The following L3MBTL4 variants were observed in gnomAD, a reference collection of about 807,000 sequenced individuals.
L3MBTL4 encodes the protein L3MBTL histone methyl-lysine binding protein 4.
A neutral mutation model predicts 84.5 loss-of-function variants in L3MBTL4; 70 were observed. The observed-to-expected ratio is 0.83, with a 90% CI of 0.68 to 1.01. The LOEUF (loss-of-function observed/expected upper bound fraction) is 1.01, where lower values mean the gene tolerates loss of function less well. L3MBTL4 is among the 50% of genes least tolerant of loss of function. L3MBTL4 has a pLI of 0.00. For missense variants in L3MBTL4, 715 were observed against 754.8 expected (o/e 0.95, Z 0.62); for synonymous variants, 274 against 259.8 (o/e 1.05, Z -0.52).
intron 5 of L3MBTL4, among the ~76,000 whole-genome samples, chr18:6,249,899 T>G (rs1389691460): frequency 6.6e-6 from 1 of 152,152 alleles, no homozygotes; most frequent in Non-Finnish European, 1.5e-5. Flanking sequence ...TGAATAAACT[T>G]TCTCTAGGTC....
chr18:6,297,411 A>C (rs1453362064), intron 4 of L3MBTL4, among the ~76,000 whole-genome samples: 2 of 152,228 alleles, frequency 1.3e-5, no homozygotes, highest in African/African-American at 4.8e-5. Flanking sequence ...AGTGATGTCA[A>C]TGTTACTTAG....
At chr18:6,304,958 G>A (rs1349486203) in intron 3 of L3MBTL4, among the ~76,000 whole-genome samples, 4 of 152,038 alleles carry the variant, frequency 2.6e-5, no homozygotes, top group Non-Finnish European at 5.9e-5. Context: ...TCACACTTCT[G>A]TATTTGCTAC....
chr18:6,038,406 A>C (rs912081725), intron 16 of L3MBTL4, among the ~76,000 whole-genome samples: 10 of 151,940 alleles, frequency 6.6e-5, no homozygotes, highest in Non-Finnish European at 1.5e-4. Flanking sequence ...GGCGTCCGCC[A>C]CCGCGACCGG....
chr18:6,043,148 A>G (rs745366038), intron 16 of L3MBTL4, among the ~76,000 whole-genome samples: 2 of 152,022 alleles, frequency 1.3e-5, no homozygotes, highest in Non-Finnish European at 2.9e-5. Context: ...TTTCTATACC[A>G]CTGCACAAGT....
chr18:6,286,503 TAATA>T (rs2049597530), intron 4 of L3MBTL4, among the ~76,000 whole-genome samples: 1 of 151,332 alleles, frequency 6.6e-6, no homozygotes, highest in African/African-American at 2.4e-5. Context: ...ATTTAAAAAA[TAATA>T]AAAAAATAAA....
intron 6 of L3MBTL4, 46 bp downstream of exon 6, chr18:6,244,434 ATCTT>A (rs1483336919): frequency 2.3e-5 from 26 of 1,142,184 alleles, no homozygotes; most frequent in African/African-American, 3.1e-5. Flanking sequence ...CTAGAAAATT[ATCTT>A]TCTGTCACTA....
At chr18:5,988,872 A>G (rs1450871448) in intron 16 of L3MBTL4, among the ~76,000 whole-genome samples, 1 of 152,198 alleles carries the variant, frequency 6.6e-6, no homozygotes, top group Non-Finnish European at 1.5e-5. Context: ...GGGTTGAGAC[A>G]CCATAGCTTA....
intron 6 of L3MBTL4, among the ~76,000 whole-genome samples, chr18:6,243,712 G>T (rs1245514280): frequency 6.6e-6 from 1 of 152,136 alleles, no homozygotes; most frequent in Non-Finnish European, 1.5e-5. Context: ...TAATTAACTG[G>T]TTTATTTATT....
chr18:6,234,292 C>T (rs2047122844), intron 10 of L3MBTL4, among the ~76,000 whole-genome samples: 1 of 152,136 alleles, frequency 6.6e-6, no homozygotes, highest in African/African-American at 2.4e-5. Flanking sequence ...AAAGCAATGG[C>T]AACAAAAGCC....
At chr18:6,387,297 T>C (rs924345930) in intron 1 of L3MBTL4, among the ~76,000 whole-genome samples, 2 of 152,214 alleles carry the variant, frequency 1.3e-5, no homozygotes, top group African/African-American at 4.8e-5. Flanking sequence ...TGGTTAGATT[T>C]GTGTTTCTCA....
At chr18:6,224,702 G>T (rs1599225623) in intron 10 of L3MBTL4, among the ~76,000 whole-genome samples, 1 of 152,200 alleles carries the variant, frequency 6.6e-6, no homozygotes, top group East Asian at 1.9e-4. Context: ...TGTGGAAACT[G>T]ACCCAAGAGT....
intron 16 of L3MBTL4, among the ~76,000 whole-genome samples, chr18:6,004,996 A>ATTTTTTTTT (rs1567973105): frequency 2.4e-5 from 1 of 42,000 alleles, no homozygotes; most frequent in Non-Finnish European, 7.0e-5. Context: ...TTAAGATGAT[A>ATTTTTTTTT]ATTTTTTTTT....
intron 1 of L3MBTL4, among the ~76,000 whole-genome samples, chr18:6,347,491 A>G (rs1320257551): frequency 6.6e-6 from 1 of 151,742 alleles, no homozygotes; most frequent in Non-Finnish European, 1.5e-5. Context: ...TAATATATAT[A>G]TATCTTTTTA....
chr18:6,215,728 T>C (rs755864047), intron 11 of L3MBTL4, 22 bp downstream of exon 11: 1 of 1,452,086 alleles, frequency 6.9e-7, no homozygotes, highest in African/African-American at 1.4e-5. Context: ...AAGGTGAGAG[T>C]TTGTACCCAC....
Position 6,071,844 on chromosome 18 carries a change from G to A in L3MBTL4, c.1444+9037C>T, listed in dbSNP as rs1011085695. Among the ~76,000 whole-genome samples the A allele has an allele frequency of 5.3e-5, 8 of 150,986 alleles. No homozygotes were observed. The East Asian group carries it at 9.7e-4, about 18-fold the overall frequency. ...AGAAAGAAAGAAAGAAAGAGAAAGA[G>A]AGAGAGGGAGGGAGGGAGGAAGGAA... On this transcript the variant is annotated intron_variant, in intron 16 of 18. Coordinates refer to ENST00000317931, the MANE Select transcript of L3MBTL4 (RefSeq NM_001330559.2).
chr18:6,031,969 A>G (rs1253894799), intron 16 of L3MBTL4: 1 of 485,460 alleles, frequency 2.1e-6, no homozygotes, highest in Non-Finnish European at 2.7e-6. Context: ...CCTTTCCACC[A>G]TTTTTTCTTT....
chr18:6,317,023 A>C (rs996471757), intron 1 of L3MBTL4, among the ~76,000 whole-genome samples: 1 of 152,088 alleles, frequency 6.6e-6, no homozygotes, highest in South Asian at 2.1e-4. Flanking sequence ...TAAATAAATA[A>C]ATAAATGCAC....
At chr18:6,360,521 T>C (rs2053640123) in intron 1 of L3MBTL4, among the ~76,000 whole-genome samples, 1 of 152,238 alleles carries the variant, frequency 6.6e-6, no homozygotes, top group African/African-American at 2.4e-5. Context: ...AAAGGAGATT[T>C]ATCACTTTAA....
intron 12 of L3MBTL4, among the ~76,000 whole-genome samples, chr18:6,199,163 C>A (rs748921501): frequency 6.6e-6 from 1 of 152,124 alleles, no homozygotes; most frequent in Non-Finnish European, 1.5e-5. Flanking sequence ...ATGGCTAACC[C>A]CAAATCCAAC....
Sources: allele counts gnomAD v4.1 joint callset (sites outside exome capture counted in the v4.1 genomes callset), GRCh38; gene constraint gnomAD v4.1.1; transcripts MANE v1.5; gene names NCBI Gene and HGNC (gene_info 2026-07-23, HGNC 2026-07-21).